LIMCH1: variants seen among roughly 807,000 people sequenced by gnomAD.
LIMCH1 encodes the protein LIM and calponin homology domains-containing protein 1.
In LIMCH1, 113 loss-of-function variants were observed where a neutral mutation model predicts 176.5. The ratio of observed to expected loss-of-function variants is 0.64; its 90% CI spans 0.55 to 0.75. The LOEUF (loss-of-function observed/expected upper bound fraction) is 0.75. LIMCH1 is among the 30% of genes least tolerant of loss of function. The probability of loss-of-function intolerance (pLI) is 0.00; values close to 1 mark genes in which losing one functional copy is unlikely to be tolerated. For missense variants in LIMCH1, 1,674 were observed against 1,814.9 expected (o/e 0.92, Z 1.41); for synonymous variants, 619 against 645.9 (o/e 0.96, Z 0.63).
intron 1 of LIMCH1, among the ~76,000 whole-genome samples, chr4:41,569,042 GA>G (rs1439513205): frequency 1.3e-5 from 2 of 152,094 alleles, no homozygotes; most frequent in African/African-American, 2.4e-5. Context: ...GTACTAAATA[GA>G]AATTACCAAC....
At chr4:41,587,717 C>A (rs1259635565) in intron 1 of LIMCH1, among the ~76,000 whole-genome samples, 1 of 152,100 alleles carries the variant, frequency 6.6e-6, no homozygotes, top group Non-Finnish European at 1.5e-5. Flanking sequence ...TCCCTCATGA[C>A]CCCTTCCTGC....
At chr4:41,691,196 A>C (rs1220119874) in intron 30 of LIMCH1, among the ~76,000 whole-genome samples, 1 of 151,984 alleles carries the variant, frequency 6.6e-6, no homozygotes, top group Non-Finnish European at 1.5e-5. Flanking sequence ...CCACTCTTGC[A>C]ATGTAGAGGC....
chr4:41,683,418 G>A (rs958916992), intron 26 of LIMCH1, among the ~76,000 whole-genome samples: 1 of 152,092 alleles, frequency 6.6e-6, no homozygotes, highest in African/African-American at 2.4e-5. Flanking sequence ...TTACCTAGAA[G>A]GGACCCACAG....
At chr4:41,587,583 T>A (rs2086705180) in intron 1 of LIMCH1, among the ~76,000 whole-genome samples, 1 of 152,190 alleles carries the variant, frequency 6.6e-6, no homozygotes, top group Non-Finnish European at 1.5e-5. Context: ...ACCTGAGGCC[T>A]TGGTTTACAG....
chr4:41,487,800 C>G (rs1244326629), intron 1 of LIMCH1, among the ~76,000 whole-genome samples: 1 of 151,442 alleles, frequency 6.6e-6, no homozygotes, highest in African/African-American at 2.4e-5. Flanking sequence ...CTACAGGCAC[C>G]TGCCACCACG....
chr4:41,541,640 AT>A (rs1561683517), intron 1 of LIMCH1, among the ~76,000 whole-genome samples: 1 of 152,142 alleles, frequency 6.6e-6, no homozygotes, highest in East Asian at 1.9e-4. Context: ...GAACAGGATC[AT>A]TTTTCATCCT....
Position 41,494,921 on chromosome 4 carries a change from A to G in LIMCH1, c.167+315A>G, listed in dbSNP as rs962185621. ...TGTAAGGGTGGACCTAATTGTGGTAAAAGTAAAACTTTTCTCCCCTTTTAA... is the reference window on the plus strand; with the variant it reads ...TGTAAGGGTGGACCTAATTGTGGTAGAAGTAAAACTTTTCTCCCCTTTTAA... On this transcript the variant is annotated intron_variant, in intron 2 of 26. Coordinates refer to the LIMCH1 transcript ENST00000313860. 2.0e-5 allele frequency among the ~76,000 whole-genome samples: 3 copies of G among 152,180 alleles called. No homozygotes were observed. The South Asian group carries it at 6.2e-4, about 31-fold the overall frequency.
At chr4:41,473,825 C>T (rs903931707) in intron 1 of LIMCH1, among the ~76,000 whole-genome samples, 1 of 152,130 alleles carries the variant, frequency 6.6e-6, no homozygotes, top group Admixed American at 6.5e-5. Context: ...GGGCCAATGT[C>T]CAAAATATAG....
intron 1 of LIMCH1, among the ~76,000 whole-genome samples, chr4:41,431,261 G>C (rs1321982489): frequency 6.6e-6 from 1 of 151,704 alleles, no homozygotes; most frequent in African/African-American, 2.4e-5. Context: ...ACCTCCCCCT[G>C]CTTGGTGGAA....
chr4:41,524,533 G>C (rs1451669404), intron 3 of LIMCH1: 1 of 1,252,146 alleles, frequency 8.0e-7, no homozygotes. Flanking sequence ...CTAACCTAGG[G>C]GTCATGACAG....
chr4:41,442,464 A>T (rs2062806673), intron 1 of LIMCH1, among the ~76,000 whole-genome samples: 1 of 152,242 alleles, frequency 6.6e-6, no homozygotes, highest in Admixed American at 6.5e-5. Context: ...TCCCAAGCAC[A>T]CACATGGCTC....
intron 29 of LIMCH1, 96 bp downstream of exon 29, chr4:41,688,013 T>C (rs1463292801): frequency 1.1e-6 from 1 of 944,760 alleles, no homozygotes; most frequent in African/African-American, 1.6e-5. Flanking sequence ...CAAATGATTT[T>C]GAGGGATGTG....
At chr4:41,416,672 A>AG in intron 1 of LIMCH1, among the ~76,000 whole-genome samples, 1 of 152,118 alleles carries the variant, frequency 6.6e-6, no homozygotes, top group African/African-American at 2.4e-5. Context: ...ACAAAAAAAA[A>AG]AAAAAGAAAA....
intron 7 of LIMCH1, among the ~76,000 whole-genome samples, chr4:41,623,825 A>G (rs2092757618): frequency 6.6e-6 from 1 of 152,194 alleles, no homozygotes. Flanking sequence ...AGAGGTCAAA[A>G]ACCTAGAAGT....
At chr4:41,672,937 C>T (rs2095099690) in intron 22 of LIMCH1, among the ~76,000 whole-genome samples, 4 of 152,204 alleles carry the variant, frequency 2.6e-5, no homozygotes, top group Admixed American at 2.6e-4. Flanking sequence ...TTGAAGTTGT[C>T]ATGTGCCTTA....
At chr4:41,403,378 C>T (rs1311282272) in intron 1 of LIMCH1, among the ~76,000 whole-genome samples, 2 of 152,036 alleles carry the variant, frequency 1.3e-5, no homozygotes, top group Non-Finnish European at 2.9e-5. Context: ...CTCAGGAGTT[C>T]AAGACCAGCC....
At chr4:41,562,174 G>A (rs1007496109) in intron 1 of LIMCH1, among the ~76,000 whole-genome samples, 7 of 152,100 alleles carry the variant, frequency 4.6e-5, no homozygotes, top group Non-Finnish European at 2.9e-5. Context: ...TGAAAAAGAG[G>A]CCCATCAACC....
chr4:41,491,243 C>G (rs547478478), intron 1 of LIMCH1, among the ~76,000 whole-genome samples: 274 of 139,416 alleles, frequency 2.0e-3, no homozygotes, highest in Non-Finnish European at 3.5e-3. Flanking sequence ...ATGGGGCGGC[C>G]GGGCAGAGGC....
intron 1 of LIMCH1, among the ~76,000 whole-genome samples, chr4:41,462,367 G>T (rs1316518818): frequency 6.6e-6 from 1 of 152,168 alleles, no homozygotes; most frequent in Admixed American, 6.5e-5. Flanking sequence ...AGTTTGAGAT[G>T]AGAGTTTTCA....
Sources: gnomAD v4.1 joint callset for allele counts (sites outside exome capture counted in the v4.1 genomes callset) on GRCh38, gnomAD v4.1.1 for gene constraint, MANE v1.5 for transcripts, NCBI Gene and HGNC (gene_info 2026-07-23, HGNC 2026-07-21) for gene names.